Variants in SFTPD observed in about 807,000 individuals in gnomAD.
The protein encoded by SFTPD is surfactant protein D.
SFTPD carries 18 observed loss-of-function variants against 34.6 expected under a neutral mutation model. The observed-to-expected ratio is 0.52, with a 90% CI of 0.36 to 0.77. The LOEUF (loss-of-function observed/expected upper bound fraction) is 0.77, where lower values mean the gene tolerates loss of function less well. Among genes scored for constraint, SFTPD ranks in the 30% least tolerant of loss-of-function variants. SFTPD has a pLI of 0.00. For synonymous variants in SFTPD, 155 were observed against 180.9 expected, an observed-to-expected ratio of 0.86 and a Z score of 1.15; for missense variants, 433 against 468.9, an observed-to-expected ratio of 0.92 and a Z score of 0.71.
chr10:79,975,812 C>T (rs1165394540), intron 1 of SFTPD, among the ~76,000 whole-genome samples: 2 of 152,156 alleles, frequency 1.3e-5, no homozygotes, highest in Non-Finnish European at 2.9e-5. Flanking sequence ...GGCATGGGCC[C>T]AAATAAAGAG....
chr10:79,950,572 C>G (rs1842703809), upstream of SFTPD: 1 of 152,176 alleles, frequency 6.6e-6, no homozygotes, highest in Admixed American at 6.5e-5. Context: ...TTGGGTTTTC[C>G]TGTATAGATT....
intron 1 of SFTPD, among the ~76,000 whole-genome samples, chr10:79,960,875 A>T (rs1842768284): frequency 6.6e-6 from 1 of 152,214 alleles, no homozygotes; most frequent in African/African-American, 2.4e-5. Context: ...TGGAGGCATC[A>T]TGCTACCTGA....
intron 1 of SFTPD, among the ~76,000 whole-genome samples, chr10:79,965,548 TTTTTAA>T (rs1314869321): frequency 6.1e-4 from 74 of 121,694 alleles, no homozygotes; most frequent in African/African-American, 2.2e-3. Context: ...TCTTTTTTTT[TTTTTAA>T]TTTTTTATTT....
At chr10:79,958,032 T>A (rs1842750039) in intron 1 of SFTPD, among the ~76,000 whole-genome samples, 1 of 152,152 alleles carries the variant, frequency 6.6e-6, no homozygotes, top group Admixed American at 6.5e-5. Flanking sequence ...AACCCAGAAT[T>A]TCATATCCAG....
At chr10:79,982,263 G>A in intron 1 of SFTPD, 1 of 953,218 alleles carries the variant, frequency 1.0e-6, no homozygotes, top group Non-Finnish European at 1.3e-6. Context: ...GGCGGCGGCG[G>A]GGGCGCTCGG....
intron 1 of SFTPD, among the ~76,000 whole-genome samples, chr10:79,958,030 A>G (rs1842750023): frequency 1.3e-5 from 2 of 152,330 alleles, no homozygotes; most frequent in Admixed American, 1.3e-4. Context: ...TCAACCCAGA[A>G]TTTCATATCC....
chr10:79,949,335 C>T (rs563347994), upstream of SFTPD, among the ~76,000 whole-genome samples: 1 of 152,358 alleles, frequency 6.6e-6, no homozygotes, highest in Admixed American at 6.5e-5. Context: ...ACCTTTCTCA[C>T]TGCAGCTCTG....
intron 1 of SFTPD, among the ~76,000 whole-genome samples, chr10:79,954,922 A>T (rs1443042367): frequency 6.6e-6 from 1 of 152,194 alleles, no homozygotes; most frequent in Non-Finnish European, 1.5e-5. Context: ...CATTATCTCA[A>T]GTAGCCATAT....
intron 1 of SFTPD, among the ~76,000 whole-genome samples, chr10:79,965,034 C>G (rs1423126296): frequency 6.6e-6 from 1 of 152,146 alleles, no homozygotes. Context: ...TCAGTGGAAT[C>G]TTCATACACT....
Sources: gnomAD v4.1 joint callset for allele counts (sites outside exome capture counted in the v4.1 genomes callset) on GRCh38, gnomAD v4.1.1 for gene constraint, MANE v1.5 for transcripts, NCBI Gene and HGNC (gene_info 2026-07-23, HGNC 2026-07-21) for gene names.